Variants in ADH1C observed in about 807,000 individuals in gnomAD.
ADH1C encodes alcohol dehydrogenase 1C.
In ADH1C, 26 loss-of-function variants were observed where a neutral mutation model predicts 35.0. The ratio of observed to expected loss-of-function variants is 0.74; its 90% CI spans 0.54 to 1.03. The LOEUF is 1.03. ADH1C is among the 50% of genes least tolerant of loss of function. ADH1C has a pLI of 0.00. For missense variants in ADH1C, 413 were observed against 465.4 expected, an observed-to-expected ratio of 0.89 and a Z score of 1.04; for synonymous variants, 170 against 169.3, an observed-to-expected ratio of 1.00 and a Z score of -0.03.
chr4:99,347,358 TA>T (rs1734560412), intron 2 of ADH1C, among the ~76,000 whole-genome samples: 1 of 152,232 alleles, frequency 6.6e-6, no homozygotes, highest in Non-Finnish European at 1.5e-5. Flanking sequence ...CAATTTAGAA[TA>T]ATCTGTGAGA....
At chr4:99,339,531 C>A in intron 8 of ADH1C, 46 bp downstream of exon 8, 1 of 1,205,814 alleles carries the variant, frequency 8.3e-7, no homozygotes, top group South Asian at 1.5e-5. Flanking sequence ...CCCCCCGCCG[C>A]TACTGTAGAA....
chr4:99,345,259 T>C lies in ADH1C; in HGVS notation c.267A>G (p.Lys89=). 6.2e-7 allele frequency: 1 copy of C among 1,613,422 alleles called. No homozygotes were observed. Among genetic ancestry groups the C allele is most frequent in the Non-Finnish European group, 8.5e-7 (1 of 1,179,470 alleles). The stretch of plus-strand genomic sequence containing the variant: ...ACTGAGGAGTAAAGAGCGGGATGAC[T>C]TTATCACCTGCAGAGGAATAAAACA... ...EGVTTVKPGD[K]VIPLFTPQCG... is the part of the protein sequence containing the mutation. Residue 89 remains lysine (K), a synonymous_variant, in exon 4 of 9, where the codon AAA becomes AAG. Coordinates refer to ENST00000515683, the MANE Select transcript of ADH1C (RefSeq NM_000669.5).
intron 1 of ADH1C, among the ~76,000 whole-genome samples, chr4:99,350,616 C>A (rs1465712311): frequency 6.6e-6 from 1 of 152,148 alleles, no homozygotes; most frequent in Non-Finnish European, 1.5e-5. Flanking sequence ...GTACATATAC[C>A]ACATTCTCTT....
At position 99,336,503 on chromosome 4, in the gene ADH1C, AGAAG is replaced by A. The variant is rs1734280045; in HGVS notation, c.*245_*248del. The A allele has an allele frequency of 5.4e-6, 3 of 554,246 alleles. No individual in the cohort carries two copies. Among genetic ancestry groups the A allele is most frequent in the Admixed American group, 3.2e-5 (1 of 30,976 alleles). The allele number at this position is 554,246 out of a possible 1,614,324, so 34.3% of individuals were successfully genotyped here. On this transcript the variant is annotated 3_prime_UTR_variant, in exon 9 of 9. Transcript: ENST00000515683. ...AGATGGCACACAAGTTGAATGGTTA[AGAAG>A]GAAGGTTTATTGGCTTCAATTCCCC... is the stretch of plus-strand genomic sequence containing the variant.
At position 99,336,636 on chromosome 4, in the gene ADH1C, A is replaced by T. The variant is rs1734282671; in HGVS notation, c.*116T>A. ...ATTTCTTTGGAAAGCTCCCACGTGT[A>T]ATTTATTTTTAACATCTCTGAAGAG... is the stretch of plus-strand genomic sequence containing the variant. On this transcript the variant is annotated 3_prime_UTR_variant, in exon 9 of 9. Coordinates refer to ENST00000515683, the MANE Select transcript of ADH1C (RefSeq NM_000669.5). 1 of 1,287,964 alleles carries T rather than the reference A, an allele frequency of 7.8e-7. No homozygotes were observed. The highest frequency in any genetic ancestry group is 1.1e-6 in the Non-Finnish European group (1 of 907,318). The allele number at this position is 1,287,964 out of a possible 1,614,324, so 79.8% of individuals were successfully genotyped here.
chr4:99,342,722 C>T (rs756885901), intron 6 of ADH1C, 73 bp downstream of exon 6: 233 of 1,583,016 alleles, frequency 1.5e-4, no homozygotes, highest in Non-Finnish European at 1.8e-4. Context: ...ATACATAATA[C>T]GTATATTCTA....
rs1734452256 is a variant in ADH1C, at chr4:99,343,004, A to C, written c.619T>G (p.Ser207Ala). 1 of 1,614,102 alleles carries C rather than the reference A, an allele frequency of 6.2e-7. No homozygotes were observed. The highest frequency in any genetic ancestry group is 1.7e-5 in the Admixed American group (1 of 59,998). ...GCTGCTTTACAGCCCATAACAACAG[A>C]TAGGCCGACCCCTCCCAGGCCAAAC... Reference protein sequence around the residue: ...AVFGLGGVGLSVVMGCKAAGA... With the variant: ...AVFGLGGVGLAVVMGCKAAGA... The change falls in exon 6 of 9, where the codon TCT becomes GCT. Residue 207 changes from serine to alanine, a missense_variant. Ser to Ala is a moderately conservative substitution (Grantham distance 99). Coordinates refer to ENST00000515683, the MANE Select transcript of ADH1C (RefSeq NM_000669.5).
At chr4:99,341,950 T>A (rs1252578733) in intron 6 of ADH1C, among the ~76,000 whole-genome samples, 1 of 151,584 alleles carries the variant, frequency 6.6e-6, no homozygotes, top group Admixed American at 6.6e-5. Flanking sequence ...AGGTTAAGGC[T>A]GCAGTGAGCC....
chr4:99,351,808 T>C (rs1014026933), intron 1 of ADH1C, among the ~76,000 whole-genome samples: 2 of 152,208 alleles, frequency 1.3e-5, no homozygotes, highest in African/African-American at 4.8e-5. Context: ...GTTGCACAGA[T>C]TTTTTTAAAT....
At chr4:99,348,418 T>C (rs1734594514) in intron 1 of ADH1C, among the ~76,000 whole-genome samples, 2 of 151,918 alleles carry the variant, frequency 1.3e-5, no homozygotes, top group South Asian at 2.1e-4. Flanking sequence ...AGAATGATGA[T>C]TTCCAGCTTC....
chr4:99,345,668 C>T (rs1026538555), intron 3 of ADH1C, among the ~76,000 whole-genome samples: 10 of 152,086 alleles, frequency 6.6e-5, no homozygotes, highest in Non-Finnish European at 1.3e-4. Flanking sequence ...CTATTTTAGT[C>T]CTAGTAGATG....
At chr4:99,338,416 T>TATATAG (rs1734331617) in intron 8 of ADH1C, among the ~76,000 whole-genome samples, 1 of 63,436 alleles carries the variant, frequency 1.6e-5, no homozygotes, top group African/African-American at 5.6e-5. Flanking sequence ...TATATATATA[T>TATATAG]ATATATATAT....
intron 3 of ADH1C, 108 bp downstream of exon 3, chr4:99,346,898 T>G: frequency 7.9e-6 from 12 of 1,519,310 alleles, no homozygotes; most frequent in South Asian, 1.3e-5. Context: ...AGCTTCCCTG[T>G]GACCTTGTGC....
Position 99,347,729 on chromosome 4 carries a change from G to A in ADH1C, c.120+16C>T, listed in dbSNP as rs991417443. ...TTTAAACTTAAAATTAAATACAAAT[G>A]GAAAAAGTATTTCACCTTAATGCGA... On this transcript the variant is annotated intron_variant, in intron 2 of 8. Coordinates refer to ENST00000515683, the MANE Select transcript of ADH1C (RefSeq NM_000669.5). 6.9e-6 allele frequency: 11 copies of A among 1,585,572 alleles called. No individual in the cohort carries two copies. The Middle Eastern group carries it at 8.4e-4, about 122-fold the overall frequency.
chr4:99,345,105 C>A, intron 4 of ADH1C, 24 bp from the exon 5 acceptor site: 1 of 1,614,150 alleles, frequency 6.2e-7, no homozygotes, highest in Non-Finnish European at 8.5e-7. Flanking sequence ...TACAAAGACA[C>A]ACAAAGGCAT....
intron 3 of ADH1C, among the ~76,000 whole-genome samples, chr4:99,345,912 A>G (rs1734520394): frequency 6.6e-6 from 1 of 152,220 alleles, no homozygotes; most frequent in African/African-American, 2.4e-5. Flanking sequence ...CTTTTAGGAT[A>G]AGAATTGACT....
chr4:99,341,454 T>C (rs1734413826), intron 6 of ADH1C, among the ~76,000 whole-genome samples: 1 of 152,162 alleles, frequency 6.6e-6, no homozygotes, highest in South Asian at 2.1e-4. Context: ...ACATTTGGTG[T>C]CTTGAGATAA....
chr4:99,345,986 G>T (rs1393478212), intron 3 of ADH1C, among the ~76,000 whole-genome samples: 2 of 152,126 alleles, frequency 1.3e-5, no homozygotes, highest in African/African-American at 4.8e-5. Flanking sequence ...GGAAGGAGGA[G>T]GGGTGAGAAA....
chr4:99,342,866 C>T lies in ADH1C; in HGVS notation c.757G>A (p.Glu253Lys). 6.2e-7 allele frequency: 1 copy of T among 1,614,034 alleles called. No homozygotes were observed. Among genetic ancestry groups the T allele is most frequent in the Admixed American group, 1.7e-5 (1 of 60,022 alleles). The change falls in exon 6 of 9, where the codon GAA becomes AAA. Residue 253 changes from glutamate (E) to lysine (K), a missense_variant. Transcript: ENST00000515683. ...NPQDYKKPIQ[E>K]VLKEMTDGGV... ...CCATCAGTCATTTCCTTTAGCACTT[C>T]CTGAATGGGTTTCTTGTAGTCTTGA...
Sources: gnomAD v4.1 joint callset for allele counts (sites outside exome capture counted in the v4.1 genomes callset) on GRCh38, gnomAD v4.1.1 for gene constraint, MANE v1.5 for transcripts, NCBI Gene and HGNC (gene_info 2026-07-23, HGNC 2026-07-21) for gene names.